Variants in CA10 observed in about 807,000 individuals in gnomAD.
The protein encoded by CA10 is carbonic anhydrase 10 (inactive).
CA10 carries 14 observed loss-of-function variants against 44.2 expected under a neutral mutation model. The observed-to-expected ratio is 0.32, with a 90% CI of 0.21 to 0.50. The LOEUF (loss-of-function observed/expected upper bound fraction) is 0.50, where lower values mean the gene tolerates loss of function less well. Among genes scored for constraint, CA10 ranks in the 20% least tolerant of loss-of-function variants. The probability of loss-of-function intolerance (pLI) is 0.99; values close to 1 mark genes in which losing one functional copy is unlikely to be tolerated. For synonymous variants in CA10, 159 were observed against 141.6 expected, an observed-to-expected ratio of 1.12 and a Z score of -0.87; for missense variants, 350 against 409.7, an observed-to-expected ratio of 0.85 and a Z score of 1.26.
At chr17:51,645,177 C>T (rs539073069) in intron 6 of CA10, among the ~76,000 whole-genome samples, 1 of 152,280 alleles carries the variant, frequency 6.6e-6, no homozygotes, top group South Asian at 2.1e-4. Context: ...ATGGTCAGTG[C>T]CATCGTCTCA....
rs372980426 is a variant in CA10, at chr17:51,931,125, A to G, written c.144T>C (p.Ser48=). 1.2e-6 allele frequency: 2 copies of G among 1,613,132 alleles called. No individual in the cohort carries two copies. The highest frequency in any genetic ancestry group is 1.7e-6 in the Non-Finnish European group (2 of 1,179,548). ...VVQGSFVPVP[S]FWGLVNSAWN... is the part of the protein sequence containing the mutation. Reference sequence around the variant, plus strand: ...AAGCTGAGTTCACCAATCCCCAGAAAGAAGGAACTAGAAACAAAAAGAAAT... The same window carrying G: ...AAGCTGAGTTCACCAATCCCCAGAAGGAAGGAACTAGAAACAAAAAGAAAT... Residue 48 remains serine (S), a synonymous_variant, in exon 3 of 9, where the codon TCT becomes TCC. Transcript: ENST00000451037.
chr17:52,148,552 A>G (rs1465147242), intron 1 of CA10, among the ~76,000 whole-genome samples: 3 of 152,210 alleles, frequency 2.0e-5, no homozygotes, highest in Non-Finnish European at 4.4e-5. Flanking sequence ...TGCACACTCA[A>G]AAACCTACAT....
chr17:51,887,440 A>G (rs548011673), intron 3 of CA10, among the ~76,000 whole-genome samples: 1 of 152,204 alleles, frequency 6.6e-6, no homozygotes, highest in Non-Finnish European at 1.5e-5. Flanking sequence ...GCCATTCAGT[A>G]TACTTTTCAG....
intron 3 of CA10, among the ~76,000 whole-genome samples, chr17:51,900,355 C>A (rs1345949068): frequency 1.3e-5 from 2 of 152,096 alleles, no homozygotes; most frequent in Non-Finnish European, 2.9e-5. Context: ...GAATATAGGC[C>A]CCCAATCTCT....
chr17:51,744,706 C>T (rs1904609721), intron 4 of CA10, among the ~76,000 whole-genome samples: 1 of 152,130 alleles, frequency 6.6e-6, no homozygotes, highest in East Asian at 1.9e-4. Context: ...TCGTTTTCAT[C>T]GTTAGAACAC....
chr17:52,072,662 CTCA>C (rs1407973976), intron 1 of CA10, among the ~76,000 whole-genome samples: 4 of 141,968 alleles, frequency 2.8e-5, no homozygotes, highest in South Asian at 2.3e-4. Flanking sequence ...GCTACCTGTC[CTCA>C]TCATCTTCCC....
At chr17:51,800,691 A>G (rs1033012860) in intron 3 of CA10, among the ~76,000 whole-genome samples, 124 of 152,336 alleles carry the variant, frequency 8.1e-4, no homozygotes, top group African/African-American at 2.8e-3. Context: ...ATCAATTATA[A>G]GACATATCTT....
chr17:51,891,208 G>T (rs551258892), intron 3 of CA10, among the ~76,000 whole-genome samples: 1 of 152,268 alleles, frequency 6.6e-6, no homozygotes, highest in South Asian at 2.1e-4. Context: ...TGTGGGGACT[G>T]AGGTGGTGTG....
At chr17:52,129,896 T>C (rs909258593) in intron 1 of CA10, among the ~76,000 whole-genome samples, 3 of 152,162 alleles carry the variant, frequency 2.0e-5, no homozygotes, top group Admixed American at 1.3e-4. Flanking sequence ...GAAGAAAATA[T>C]ATGCAAACCA....
chr17:52,085,709 G>A (rs1307740476), intron 1 of CA10, among the ~76,000 whole-genome samples: 1 of 152,084 alleles, frequency 6.6e-6, no homozygotes, highest in African/African-American at 2.4e-5. Context: ...CTCTTCATGA[G>A]ATTGTCCTCC....
rs947154055 is a variant in CA10, at chr17:52,088,000, G to T, written c.62-15607C>A. ...AGGACCAGAACACCAAATACCACAT[G>T]TTTTCACAAGTGGGAGCTAAATGAT... On this transcript the variant is annotated intron_variant, in intron 1 of 8. Coordinates refer to ENST00000451037, the MANE Select transcript of CA10 (RefSeq NM_020178.5). Among the ~76,000 whole-genome samples the T allele has an allele frequency of 2.6e-5, 4 of 152,078 alleles. No homozygotes were observed. The East Asian group carries it at 5.8e-4, about 22-fold the overall frequency.
chr17:51,982,459 A>C (rs34014728), intron 2 of CA10, among the ~76,000 whole-genome samples: 6,000 of 152,038 alleles, frequency 0.039, 185 homozygotes, highest in Middle Eastern at 0.1. Flanking sequence ...AGGGAGGGAA[A>C]TGTAATGCCC....
intron 2 of CA10, among the ~76,000 whole-genome samples, chr17:52,069,717 G>T (rs1987630319): frequency 1.3e-5 from 2 of 152,138 alleles, no homozygotes; most frequent in South Asian, 4.1e-4. Flanking sequence ...GACCAAAGTG[G>T]GGCATTTGCG....
chr17:52,058,347 T>G (rs1435459289), intron 2 of CA10, among the ~76,000 whole-genome samples: 1 of 152,152 alleles, frequency 6.6e-6, no homozygotes, highest in African/African-American at 2.4e-5. Context: ...AATACAAAAT[T>G]TTATTTTTAC....
chr17:51,721,150 C>T (rs1242184843), intron 4 of CA10, among the ~76,000 whole-genome samples: 1 of 151,788 alleles, frequency 6.6e-6, no homozygotes, highest in African/African-American at 2.4e-5. Context: ...GCCAACATGG[C>T]GAAACCCCGT....
intron 2 of CA10, among the ~76,000 whole-genome samples, chr17:51,981,275 G>A (rs1304914309): frequency 6.6e-6 from 1 of 151,878 alleles, no homozygotes; most frequent in African/African-American, 2.4e-5. Flanking sequence ...ACCCCAAATG[G>A]TCATCAAAAA....
chr17:52,019,137 T>G (rs1319660420), intron 2 of CA10, among the ~76,000 whole-genome samples: 1 of 152,114 alleles, frequency 6.6e-6, no homozygotes, highest in East Asian at 1.9e-4. Flanking sequence ...TAAACCTCTT[T>G]TCTTTATAAA....
At chr17:51,711,322 C>T (rs540489953) in intron 4 of CA10, among the ~76,000 whole-genome samples, 1 of 152,222 alleles carries the variant, frequency 6.6e-6, no homozygotes, top group South Asian at 2.1e-4. Context: ...TGGCAATGCA[C>T]CTGTTGTATT....
At chr17:51,708,980 G>A (rs529941637) in intron 4 of CA10, among the ~76,000 whole-genome samples, 4 of 152,142 alleles carry the variant, frequency 2.6e-5, no homozygotes, top group East Asian at 1.9e-4. Flanking sequence ...GGTTGCAGAC[G>A]GTCTATTGTG....
Sources: allele counts gnomAD v4.1 joint callset (sites outside exome capture counted in the v4.1 genomes callset), GRCh38; gene constraint gnomAD v4.1.1; transcripts MANE v1.5; gene names NCBI Gene and HGNC (gene_info 2026-07-23, HGNC 2026-07-21).